Variants in PTPRD observed in about 807,000 individuals in gnomAD.
PTPRD encodes the protein receptor-type tyrosine-protein phosphatase delta.
In PTPRD, 34 loss-of-function variants were observed where a neutral mutation model predicts 214.5. The ratio of observed to expected loss-of-function variants is 0.16; its 90% confidence interval spans 0.12 to 0.21. The LOEUF (loss-of-function observed/expected upper bound fraction) is 0.21, where lower values mean the gene tolerates loss of function less well. Ranked by LOEUF, PTPRD falls within the 10% of genes least tolerant of loss-of-function variation. The pLI is 1.00. For synonymous variants in PTPRD, 1,128 were observed against 845.7 expected, an observed-to-expected ratio of 1.33 and a Z score of -5.79; for missense variants, 2,545 against 2,398.7, an observed-to-expected ratio of 1.06 and a Z score of -1.27.
At chr9:9,716,624 A>T (rs972395296) in intron 7 of PTPRD, among the ~76,000 whole-genome samples, 2 of 152,008 alleles carry the variant, frequency 1.3e-5, no homozygotes, top group Non-Finnish European at 2.9e-5. Flanking sequence ...GCATTTTTTC[A>T]TGTGTTTTTT....
intron 7 of PTPRD, among the ~76,000 whole-genome samples, chr9:9,640,858 C>T (rs149959466): frequency 7.2e-4 from 109 of 152,300 alleles, no homozygotes; most frequent in Middle Eastern, 3.4e-3. Context: ...TTGTAAATAA[C>T]GGATACTTAA....
At chr9:9,328,984 T>G (rs1463657098) in intron 9 of PTPRD, among the ~76,000 whole-genome samples, 1 of 152,028 alleles carries the variant, frequency 6.6e-6, no homozygotes. Flanking sequence ...ACTTGAAGAT[T>G]GCGTAAAAAT....
chr9:10,211,798 G>A (rs1164351298), intron 3 of PTPRD, among the ~76,000 whole-genome samples: 2 of 152,090 alleles, frequency 1.3e-5, no homozygotes, highest in African/African-American at 2.4e-5. Context: ...GAAATCGGAA[G>A]AGTAAGAAGA....
intron 11 of PTPRD, among the ~76,000 whole-genome samples, chr9:8,979,258 C>T (rs971754934): frequency 6.6e-6 from 1 of 151,862 alleles, no homozygotes. Flanking sequence ...TGAAGTATTC[C>T]TAAAAAACTG....
rs1491342959 is a variant in PTPRD, at chr9:8,934,519, A to AT, written c.-104+84177_-104+84178insA. Among the ~76,000 whole-genome samples the AT allele has an allele frequency of 7.2e-3, 160 of 22,136 alleles. 9 individuals are homozygous for AT. Among genetic ancestry groups the AT allele is most frequent in the East Asian group, 0.036 (15 of 414 alleles). 14.5% of individuals were successfully genotyped at this position (22,136 alleles called of 152,430 possible). A position where few individuals can be genotyped will look rare whatever the true frequency, so the allele number is the denominator to read the frequency against. On this transcript the variant is annotated intron_variant, in intron 11 of 45. Coordinates refer to ENST00000381196, the MANE Select transcript of PTPRD (RefSeq NM_002839.4). ...AATATATATATAAATATATATATAT[A>AT]AATATATATATATATGGGAAACCAT...
intron 12 of PTPRD, among the ~76,000 whole-genome samples, chr9:8,700,340 C>T (rs1362663089): frequency 6.6e-6 from 1 of 152,170 alleles, no homozygotes; most frequent in Non-Finnish European, 1.5e-5. Flanking sequence ...GGAATCAAAA[C>T]AGCTTTTCCA....
At chr9:10,221,860 G>A (rs10958953) in intron 3 of PTPRD, among the ~76,000 whole-genome samples, 12,821 of 151,814 alleles carry the variant, frequency 0.084, 701 homozygotes, top group Non-Finnish European at 0.12. Context: ...ACATTGAGTA[G>A]TAGACCATAA....
intron 2 of PTPRD, among the ~76,000 whole-genome samples, chr9:10,464,889 T>C (rs946050320): frequency 6.6e-6 from 1 of 152,104 alleles, no homozygotes; most frequent in Non-Finnish European, 1.5e-5. Context: ...AATAAAATAC[T>C]ATTTTAGAAA....
At chr9:9,335,942 G>C (rs191352398) in intron 9 of PTPRD, among the ~76,000 whole-genome samples, 2 of 151,752 alleles carry the variant, frequency 1.3e-5, no homozygotes, top group African/African-American at 2.4e-5. Context: ...AATAATAGGA[G>C]AGATCATAAA....
chr9:10,566,415 T>G (rs1314889668), intron 2 of PTPRD, among the ~76,000 whole-genome samples: 2 of 152,076 alleles, frequency 1.3e-5, no homozygotes, highest in Non-Finnish European at 2.9e-5. Flanking sequence ...ACAGTCTTAG[T>G]AATATTTAGT....
At chr9:9,242,656 G>A (rs188463683) in intron 9 of PTPRD, among the ~76,000 whole-genome samples, 1,761 of 152,116 alleles carry the variant, frequency 0.012, 33 homozygotes, top group African/African-American at 0.04. Context: ...TTGTGCATTC[G>A]TCACGTAGTT....
chr9:8,859,018 C>A (rs1383519248), intron 11 of PTPRD, among the ~76,000 whole-genome samples: 1 of 152,198 alleles, frequency 6.6e-6, no homozygotes, highest in Non-Finnish European at 1.5e-5. Context: ...CTGGTCGCGC[C>A]CTATTGACAG....
chr9:10,277,347 CA>C (rs2094770853), intron 3 of PTPRD, among the ~76,000 whole-genome samples: 1 of 148,660 alleles, frequency 6.7e-6, no homozygotes. Flanking sequence ...CTTATTTTTC[CA>C]AAATAATCTT....
At chr9:10,003,109 G>C (rs1254538372) in intron 4 of PTPRD, among the ~76,000 whole-genome samples, 1 of 151,776 alleles carries the variant, frequency 6.6e-6, no homozygotes, top group African/African-American at 2.4e-5. Context: ...GTGTCTTAAA[G>C]GAAAGATAGT....
chr9:9,719,797 G>A (rs1186005666), intron 7 of PTPRD, among the ~76,000 whole-genome samples: 1 of 152,164 alleles, frequency 6.6e-6, no homozygotes, highest in East Asian at 1.9e-4. Flanking sequence ...ACGCTTTCAG[G>A]CGCACTGCAT....
At chr9:8,610,202 T>G (rs1287447439) in intron 14 of PTPRD, among the ~76,000 whole-genome samples, 1 of 152,230 alleles carries the variant, frequency 6.6e-6, no homozygotes, top group Admixed American at 6.5e-5. Flanking sequence ...TGAACTGCAG[T>G]GCACCCATCT....
intron 34 of PTPRD, among the ~76,000 whole-genome samples, chr9:8,439,232 G>C (rs2095461316): frequency 6.6e-6 from 1 of 152,108 alleles, no homozygotes; most frequent in African/African-American, 2.4e-5. Flanking sequence ...TCTACTTCTG[G>C]TTTTGGCATC....
chr9:10,479,498 G>T (rs1000740180), intron 2 of PTPRD, among the ~76,000 whole-genome samples: 2 of 151,984 alleles, frequency 1.3e-5, no homozygotes, highest in Non-Finnish European at 2.9e-5. Flanking sequence ...CACACATTTT[G>T]AAGAATAACA....
chr9:9,751,511 C>T (rs980463134), intron 6 of PTPRD, among the ~76,000 whole-genome samples: 3 of 152,056 alleles, frequency 2.0e-5, no homozygotes, highest in African/African-American at 4.8e-5. Flanking sequence ...ACCACCAGTA[C>T]CTCAGAATGT....
Sources: allele counts gnomAD v4.1 joint callset (sites outside exome capture counted in the v4.1 genomes callset), GRCh38; gene constraint gnomAD v4.1.1; transcripts MANE v1.5; gene names NCBI Gene and HGNC (gene_info 2026-07-23, HGNC 2026-07-21).